The following HPGD variants were observed in gnomAD, a reference collection of about 807,000 sequenced individuals.
HPGD encodes the protein 15-hydroxyprostaglandin dehydrogenase.
A neutral mutation model predicts 30.0 loss-of-function variants in HPGD; 29 were observed. The observed-to-expected ratio is 0.97, with a 90% CI of 0.72 to 1.32. The LOEUF (loss-of-function observed/expected upper bound fraction) is 1.32. Among genes scored for constraint, HPGD ranks in the 40% most tolerant of loss-of-function variants. The pLI, the probability that HPGD is intolerant of heterozygous loss-of-function variation, is 0.00. For missense variants in HPGD, 340 were observed against 322.1 expected, an observed-to-expected ratio of 1.06 and a Z score of -0.43; for synonymous variants, 99 against 112.4, an observed-to-expected ratio of 0.88 and a Z score of 0.75.
intron 3 of HPGD, among the ~76,000 whole-genome samples, chr4:174,511,256 T>A (rs1451016881): frequency 6.6e-6 from 1 of 152,244 alleles, no homozygotes; most frequent in Admixed American, 6.5e-5. Context: ...TTTATTTTGT[T>A]TAAATCTTAT....
upstream of HPGD, chr4:174,522,678 C>T: frequency 2.2e-6 from 1 of 464,070 alleles, no homozygotes; most frequent in Non-Finnish European, 3.8e-6. Context: ...CTTCCGGACT[C>T]GCAGACCGGC....
At chr4:174,508,290 T>C (rs1250299174) in intron 4 of HPGD, 1 of 589,388 alleles carries the variant, frequency 1.7e-6, no homozygotes. Flanking sequence ...AACTATGATA[T>C]ATGCCATATT....
chr4:174,495,338 A>T (rs537325117), intron 5 of HPGD: 1 of 588,168 alleles, frequency 1.7e-6, no homozygotes, highest in Non-Finnish European at 3.0e-6. Flanking sequence ...TAAATAACAC[A>T]TCTGTATTTA....
At chr4:174,510,126 G>A (rs1242280021) in intron 3 of HPGD, among the ~76,000 whole-genome samples, 3 of 152,060 alleles carry the variant, frequency 2.0e-5, no homozygotes, top group Non-Finnish European at 4.4e-5. Context: ...GGTTACACAT[G>A]TACTTACCTT....
intron 3 of HPGD, among the ~76,000 whole-genome samples, chr4:174,509,740 G>A (rs1252472922): frequency 6.6e-6 from 1 of 152,084 alleles, no homozygotes; most frequent in African/African-American, 2.4e-5. Context: ...TCACATAAAT[G>A]TTTTATCCAG....
intron 4 of HPGD, among the ~76,000 whole-genome samples, chr4:174,503,839 CA>C: frequency 6.6e-6 from 1 of 152,174 alleles, no homozygotes; most frequent in African/African-American, 2.4e-5. Context: ...CCTCCCACCT[CA>C]GCCTCCTGAG....
intron 4 of HPGD, among the ~76,000 whole-genome samples, chr4:174,498,443 T>TAATG (rs1164115860): frequency 1.3e-5 from 2 of 152,126 alleles, no homozygotes; most frequent in Non-Finnish European, 2.9e-5. Context: ...CCAGTCAAGA[T>TAATG]AATGAACATG....
At chr4:174,522,668 C>A (rs1736227567), upstream of HPGD, 2 of 468,736 alleles carry the variant, frequency 4.3e-6, no homozygotes, top group Non-Finnish European at 7.4e-6. Context: ...CGATCTTTGC[C>A]TTCCGGACTC....
Position 174,497,568 on chromosome 4 carries a change from C to CTTTTTTTTTTTTTTTTTTTTTTTT in HPGD, c.422-1968_422-1945dup. Among the ~76,000 whole-genome samples the CTTTTTTTTTTTTTTTTTTTTTTTT allele has an allele frequency of 1.0e-3, 52 of 51,098 alleles. 5 individuals carry two copies. The highest frequency in any genetic ancestry group is 1.3e-3 in the Non-Finnish European group (33 of 24,548). 33.5% of individuals were successfully genotyped at this position (51,098 alleles called of 152,430 possible). On this transcript the variant is annotated intron_variant, in intron 4 of 6. Transcript: ENST00000296522. ...CACTTTCTTTTCTTTCTTTTTCTTTCTTTTTTTTTTTTTTTTTTTTTTTTT... is the reference window on the plus strand; with the variant it reads ...CACTTTCTTTTCTTTCTTTTTCTTTCTTTTTTTTTTTTTTTTTTTTTTTTTTTTTTTTTTTTTTTTTTTTTTTTT...
chr4:174,512,954 A>G (rs973129117), intron 3 of HPGD, among the ~76,000 whole-genome samples: 16 of 152,232 alleles, frequency 1.1e-4, no homozygotes, highest in African/African-American at 3.6e-4. Flanking sequence ...CACAGGCTAC[A>G]TTAAAGCAAA....
intron 4 of HPGD, among the ~76,000 whole-genome samples, chr4:174,504,163 AC>A (rs987611026): frequency 1.3e-5 from 2 of 152,092 alleles, no homozygotes; most frequent in African/African-American, 4.8e-5. Context: ...CAAATGCTCA[AC>A]ATATGTTTGA....
At chr4:174,510,012 T>C (rs1438258394) in intron 3 of HPGD, among the ~76,000 whole-genome samples, 2 of 152,212 alleles carry the variant, frequency 1.3e-5, no homozygotes, top group East Asian at 3.8e-4. Flanking sequence ...CAGCTCAGAC[T>C]TTTAAAAAAG....
chr4:174,518,119 C>T lies in HPGD; in HGVS notation c.218-42G>A, dbSNP rs144044660. The T allele has an allele frequency of 3.1e-6, 3 of 954,652 alleles. 1 individual carries two copies. Among genetic ancestry groups the T allele is most frequent in the South Asian group, 2.7e-5 (2 of 73,966 alleles). The allele number at this position is 954,652 out of a possible 1,614,324, so 59.1% of individuals were successfully genotyped here. On this transcript the variant is annotated intron_variant, in intron 2 of 6. Transcript: ENST00000296522. Reference sequence around the variant, plus strand: ...ATATTAGTGATACATTCTTATTTTCCATGTATACATTTAAATCATGTCCTA... The same window carrying T: ...ATATTAGTGATACATTCTTATTTTCTATGTATACATTTAAATCATGTCCTA...
intron 3 of HPGD, among the ~76,000 whole-genome samples, chr4:174,512,899 A>G (rs879287296): frequency 2.0e-5 from 3 of 152,186 alleles, no homozygotes; most frequent in Non-Finnish European, 4.4e-5. Flanking sequence ...AGAATTTCCT[A>G]TTTGCCCATG....
chr4:174,497,355 G>C (rs1246494434), intron 4 of HPGD, among the ~76,000 whole-genome samples: 1 of 152,100 alleles, frequency 6.6e-6, no homozygotes, highest in Non-Finnish European at 1.5e-5. Flanking sequence ...GAAATATACT[G>C]CTTTGTGGGT....
chr4:174,493,935 A>G (rs1734463267), intron 5 of HPGD, among the ~76,000 whole-genome samples: 1 of 152,178 alleles, frequency 6.6e-6, no homozygotes, highest in South Asian at 2.1e-4. Flanking sequence ...CTTGTGGAGC[A>G]TTTGTAGTTA....
At chr4:174,495,812 C>A (rs145422863) in intron 4 of HPGD, 188 bp from the exon 5 acceptor site, 28 of 613,270 alleles carry the variant, frequency 4.6e-5, no homozygotes, top group African/African-American at 3.5e-4. Context: ...TGCTCCATGA[C>A]CCGTGTCGTC....
chr4:174,502,916 G>A (rs368398506), intron 4 of HPGD, among the ~76,000 whole-genome samples: 42 of 152,166 alleles, frequency 2.8e-4, no homozygotes, highest in Middle Eastern at 6.8e-3. Context: ...GTGGTTCAAG[G>A]AGCGGTATCA....
chr4:174,502,979 CA>C (rs1185555288), intron 4 of HPGD, among the ~76,000 whole-genome samples: 1 of 152,170 alleles, frequency 6.6e-6, no homozygotes, highest in Non-Finnish European at 1.5e-5. Flanking sequence ...TCAGAATCTG[CA>C]TCTGACAAAG....
Sources: allele counts gnomAD v4.1 joint callset (sites outside exome capture counted in the v4.1 genomes callset), GRCh38; gene constraint gnomAD v4.1.1; transcripts MANE v1.5; gene names NCBI Gene and HGNC (gene_info 2026-07-23, HGNC 2026-07-21).